PLSCR5: variants seen among roughly 807,000 people sequenced by gnomAD.
PLSCR5 encodes the protein phospholipid scramblase family member 5.
Under a neutral mutation model 33.6 loss-of-function variants are expected in PLSCR5, and 44 were observed. The ratio of observed to expected loss-of-function variants is 1.31; its 90% CI spans 1.03 to 1.69. PLSCR5 has a LOEUF of 1.69. PLSCR5 is among the 40% of genes most tolerant of loss of function. PLSCR5 has a pLI of 0.00. For synonymous variants in PLSCR5, 148 were observed against 112.3 expected, an observed-to-expected ratio of 1.32 and a Z score of -2.01; for missense variants, 375 against 318.7, an observed-to-expected ratio of 1.18 and a Z score of -1.34.
intron 7 of PLSCR5, among the ~76,000 whole-genome samples, chr3:146,579,834 C>A (rs2107845204): frequency 6.6e-6 from 1 of 152,308 alleles, no homozygotes; most frequent in African/African-American, 2.4e-5. Context: ...CTGAGTGGGA[C>A]AATGTGGCCT....
intron 3 of PLSCR5, 102 bp downstream of exon 3, chr3:146,594,939 T>C: frequency 1.6e-6 from 1 of 636,318 alleles, no homozygotes; most frequent in East Asian, 3.7e-5. Flanking sequence ...TTCTACACAT[T>C]TAACTTTCTC....
At chr3:146,600,951 C>T (rs969423949) in intron 1 of PLSCR5, among the ~76,000 whole-genome samples, 1 of 147,568 alleles carries the variant, frequency 6.8e-6, no homozygotes, top group Admixed American at 6.8e-5. Flanking sequence ...TAATACATGT[C>T]TATATATTTA....
intron 4 of PLSCR5, among the ~76,000 whole-genome samples, chr3:146,592,890 G>C (rs2044727455): frequency 6.6e-6 from 1 of 152,008 alleles, no homozygotes; most frequent in Non-Finnish European, 1.5e-5. Context: ...ACACTCTCTT[G>C]GGGCATATTA....
chr3:146,584,529 A>AT (rs1488132387), downstream of PLSCR5, among the ~76,000 whole-genome samples: 7 of 152,128 alleles, frequency 4.6e-5, no homozygotes, highest in Middle Eastern at 3.2e-3. Context: ...AAATATAGTT[A>AT]TTTTTTGGTA....
At chr3:146,604,136 T>C (rs2044843748) in intron 1 of PLSCR5, among the ~76,000 whole-genome samples, 2 of 152,140 alleles carry the variant, frequency 1.3e-5, no homozygotes, top group South Asian at 2.1e-4. Context: ...TTGTAATTAA[T>C]TTAAAAGGTT....
chr3:146,591,749 A>G lies in PLSCR5; in HGVS notation c.586T>C (p.Cys196Arg), dbSNP rs565552450. The G allele has an allele frequency of 3.3e-4, 527 of 1,611,466 alleles. 4 individuals carry two copies. In the South Asian group the frequency reaches 5.5e-3, roughly 17 times the overall value. The change falls in exon 5 of 8, where the codon TGT becomes CGT. Residue 196 changes from cysteine to arginine, a missense_variant. Transcript: ENST00000443512. ...AAATCCACATCGCCAAAACAGCCAC[A>G]TGTCACACAAGGACCAACAATTTTC... ...ILKIVGPCVTCGCFGDVDFEV... is the reference protein window; with the variant it reads ...ILKIVGPCVTRGCFGDVDFEV...
chr3:146,598,639 A>G (rs972461643), intron 2 of PLSCR5, among the ~76,000 whole-genome samples: 1 of 152,214 alleles, frequency 6.6e-6, no homozygotes, highest in Non-Finnish European at 1.5e-5. Context: ...AGAATATGTG[A>G]TGACCATATG....
At chr3:146,604,362 T>G (rs1224396036) in intron 1 of PLSCR5, among the ~76,000 whole-genome samples, 1 of 152,106 alleles carries the variant, frequency 6.6e-6, no homozygotes, top group Admixed American at 6.6e-5. Context: ...GTAATGATAT[T>G]TTTGCAGTTT....
At chr3:146,595,444 C>T (rs2044752644) in intron 2 of PLSCR5, among the ~76,000 whole-genome samples, 1 of 151,932 alleles carries the variant, frequency 6.6e-6, no homozygotes, top group Non-Finnish European at 1.5e-5. Flanking sequence ...ATGGCAAACC[C>T]CTGTCTTTAC....
chr3:146,593,309 T>A (rs2044730511), intron 4 of PLSCR5, among the ~76,000 whole-genome samples: 1 of 152,152 alleles, frequency 6.6e-6, no homozygotes, highest in Non-Finnish European at 1.5e-5. Context: ...TCAAAGCCAG[T>A]AAAGTAAGTA....
At chr3:146,602,802 C>T (rs1389225372) in intron 1 of PLSCR5, among the ~76,000 whole-genome samples, 1 of 152,036 alleles carries the variant, frequency 6.6e-6, no homozygotes, top group Non-Finnish European at 1.5e-5. Context: ...GCTGTACATT[C>T]CCGCCCAGTC....
intron 2 of PLSCR5, among the ~76,000 whole-genome samples, chr3:146,599,432 CCTCT>C (rs2044791137): frequency 6.6e-6 from 1 of 151,984 alleles, no homozygotes; most frequent in Admixed American, 6.6e-5. Context: ...TCCTTAACAA[CCTCT>C]CTCTCCTCTA....
chr3:146,576,722 A>G (rs1207730574), exon 8 of PLSCR5: 2 of 148,950 alleles, frequency 1.3e-5, no homozygotes, highest in Non-Finnish European at 3.0e-5. Context: ...TACTCTAAAT[A>G]ATTCTAAAAA....
chr3:146,576,907 T>A (rs966084386), intron 7 of PLSCR5, among the ~76,000 whole-genome samples: 4 of 151,980 alleles, frequency 2.6e-5, no homozygotes, highest in African/African-American at 9.7e-5. Flanking sequence ...GAATCCGGAA[T>A]TAAAAATAAA....
At chr3:146,600,227 A>G in intron 2 of PLSCR5, 61 bp downstream of exon 2, 2 of 1,209,194 alleles carry the variant, frequency 1.7e-6, no homozygotes, top group South Asian at 7.5e-5. Flanking sequence ...AAAGCCAGAA[A>G]GAAAGTTTGT....
chr3:146,601,890 C>A (rs1157325591), intron 1 of PLSCR5, among the ~76,000 whole-genome samples: 1 of 152,064 alleles, frequency 6.6e-6, no homozygotes, highest in East Asian at 1.9e-4. Context: ...ATTCTGCATT[C>A]ATTCATTCAT....
At chr3:146,605,179 G>T (rs751117870) in intron 1 of PLSCR5, 21 bp downstream of exon 1, 4 of 1,601,868 alleles carry the variant, frequency 2.5e-6, no homozygotes, top group Non-Finnish European at 3.4e-6. Context: ...AAAGTTATTA[G>T]TTGGTTATAT....
chr3:146,590,997 G>GT (rs371124404), intron 5 of PLSCR5, among the ~76,000 whole-genome samples: 74,060 of 142,028 alleles, frequency 0.52, 19,158 homozygotes, highest in Non-Finnish European at 0.56. Context: ...GTTTTTTTTT[G>GT]TTTTTTTTTT....
intron 2 of PLSCR5, among the ~76,000 whole-genome samples, chr3:146,599,507 G>T (rs17433539): frequency 0.16 from 23,651 of 146,180 alleles, 2,001 homozygotes; most frequent in Non-Finnish European, 0.19. Context: ...CTTGCACTTT[G>T]CATTAACTTT....
Sources: gnomAD v4.1 joint callset for allele counts (sites outside exome capture counted in the v4.1 genomes callset) on GRCh38, gnomAD v4.1.1 for gene constraint, MANE v1.5 for transcripts, NCBI Gene and HGNC (gene_info 2026-07-23, HGNC 2026-07-21) for gene names.